The following ERBB4 variants were observed in gnomAD, a reference collection of about 807,000 sequenced individuals.
ERBB4 encodes erb-b2 receptor tyrosine kinase 4, also known as receptor tyrosine-protein kinase erbB-4.
A neutral mutation model predicts 158.0 loss-of-function variants in ERBB4; 42 were observed. That is an observed-to-expected ratio of 0.27 (90% CI 0.21 to 0.34). The LOEUF (loss-of-function observed/expected upper bound fraction) is 0.34, where lower values mean the gene tolerates loss of function less well. Ranked by LOEUF, ERBB4 falls within the 10% of genes least tolerant of loss-of-function variation. The probability of loss-of-function intolerance (pLI) is 1.00; values close to 1 mark genes in which losing one functional copy is unlikely to be tolerated. For missense variants in ERBB4, 1,333 were observed against 1,624.1 expected (o/e 0.82, Z 3.08); for synonymous variants, 583 against 558.7 (o/e 1.04, Z -0.61).
intron 1 of ERBB4, among the ~76,000 whole-genome samples, chr2:212,139,978 T>C (rs1272061330): frequency 6.6e-6 from 1 of 151,896 alleles, no homozygotes; most frequent in African/African-American, 2.4e-5. Context: ...TTTGCCAGGA[T>C]AAAATATAAT....
At chr2:212,411,257 A>G (rs1242122883) in intron 1 of ERBB4, among the ~76,000 whole-genome samples, 1 of 152,128 alleles carries the variant, frequency 6.6e-6, no homozygotes, top group Non-Finnish European at 1.5e-5. Flanking sequence ...TGCCATAACC[A>G]CGAAACAGGC....
chr2:212,474,419 C>T (rs1689271417), intron 1 of ERBB4, among the ~76,000 whole-genome samples: 2 of 152,198 alleles, frequency 1.3e-5, no homozygotes, highest in South Asian at 4.1e-4. Flanking sequence ...CAGAGAAAAG[C>T]TTTAACTGAT....
intron 19 of ERBB4, among the ~76,000 whole-genome samples, chr2:211,570,300 C>T (rs959391209): frequency 2.0e-5 from 3 of 149,526 alleles, no homozygotes; most frequent in African/African-American, 7.4e-5. Context: ...TACAGGCATC[C>T]GCCACCACAC....
chr2:212,278,779 T>C (rs1359266593), intron 1 of ERBB4, among the ~76,000 whole-genome samples: 2 of 151,674 alleles, frequency 1.3e-5, no homozygotes, highest in African/African-American at 2.4e-5. Flanking sequence ...AATGAATATA[T>C]AGATACTTGA....
chr2:211,829,864 TA>T (rs1341313617), intron 3 of ERBB4, among the ~76,000 whole-genome samples: 1 of 152,162 alleles, frequency 6.6e-6, no homozygotes, highest in Admixed American at 6.6e-5. Flanking sequence ...TGACTTATCA[TA>T]AAAAATTATA....
intron 3 of ERBB4, among the ~76,000 whole-genome samples, chr2:211,828,000 A>C (rs192600491): frequency 3.2e-4 from 49 of 152,328 alleles, no homozygotes; most frequent in African/African-American, 1.1e-3. Flanking sequence ...GAGCTATGCT[A>C]GAATTCACAT....
chr2:212,190,220 A>T (rs1463393462), intron 1 of ERBB4, among the ~76,000 whole-genome samples: 2 of 152,194 alleles, frequency 1.3e-5, no homozygotes, highest in African/African-American at 4.8e-5. Flanking sequence ...GGTGCAATCA[A>T]CTTAGATAAT....
intron 1 of ERBB4, among the ~76,000 whole-genome samples, chr2:212,389,999 A>G (rs951651753): frequency 4.0e-5 from 6 of 151,850 alleles, no homozygotes; most frequent in African/African-American, 1.2e-4. Context: ...TCATTCACCA[A>G]TGAAAAATGA....
intron 1 of ERBB4, among the ~76,000 whole-genome samples, chr2:212,378,174 GGGACTA>G (rs1409848983): frequency 6.6e-6 from 1 of 151,702 alleles, no homozygotes; most frequent in Non-Finnish European, 1.5e-5. Flanking sequence ...ATAATATTAT[GGGACTA>G]CCGTCATTAA....
intron 20 of ERBB4, among the ~76,000 whole-genome samples, chr2:211,540,188 T>TTA (rs571359851): frequency 0.03 from 4,339 of 143,920 alleles, 183 homozygotes; most frequent in African/African-American, 0.09. Context: ...CCTACATGAT[T>TTA]TATATATATA....
chr2:211,982,222 G>A (rs1284162253), intron 2 of ERBB4, among the ~76,000 whole-genome samples: 3 of 151,972 alleles, frequency 2.0e-5, no homozygotes, highest in African/African-American at 7.2e-5. Flanking sequence ...TAATTTTTCA[G>A]ACTAAAGGAT....
intron 3 of ERBB4, among the ~76,000 whole-genome samples, chr2:211,796,941 A>T (rs2076395652): frequency 6.6e-6 from 1 of 151,958 alleles, no homozygotes; most frequent in South Asian, 2.1e-4. Context: ...ATGTCTTAGA[A>T]AAAATTAAAA....
Position 211,438,734 on chromosome 2 carries a change from C to G in ERBB4, c.2488-7634G>C, listed in dbSNP as rs866017459. ...GTTCCTGAATGTTCTTCCTATTATTCTATTCAGAGGAAGAAAAGCAGATTC... is the reference window on the plus strand; with the variant it reads ...GTTCCTGAATGTTCTTCCTATTATTGTATTCAGAGGAAGAAAAGCAGATTC... On this transcript the variant is annotated intron_variant, in intron 20 of 27. Transcript: ENST00000342788. Among the ~76,000 whole-genome samples, 3 of 152,000 alleles carry G rather than the reference C, an allele frequency of 2.0e-5. No individual in the cohort carries two copies. In the South Asian group the frequency reaches 6.2e-4, roughly 31 times the overall value.
At chr2:211,835,211 C>T (rs376731836) in intron 3 of ERBB4, among the ~76,000 whole-genome samples, 2 of 152,242 alleles carry the variant, frequency 1.3e-5, no homozygotes, top group East Asian at 3.9e-4. Flanking sequence ...TCCACAACTT[C>T]AGCTCTTCAA....
intron 25 of ERBB4, among the ~76,000 whole-genome samples, chr2:211,390,081 T>G (rs2062768616): frequency 6.6e-6 from 1 of 152,198 alleles, no homozygotes; most frequent in Non-Finnish European, 1.5e-5. Context: ...CAGTGATTTG[T>G]AATATAGAGT....
chr2:211,498,759 G>C (rs1027249495), intron 20 of ERBB4, among the ~76,000 whole-genome samples: 1 of 152,056 alleles, frequency 6.6e-6, no homozygotes, highest in African/African-American at 2.4e-5. Flanking sequence ...AATTGACAAA[G>C]AGGCCATATG....
At chr2:212,473,642 C>A (rs1191267253) in intron 1 of ERBB4, among the ~76,000 whole-genome samples, 1 of 152,006 alleles carries the variant, frequency 6.6e-6, no homozygotes, top group Non-Finnish European at 1.5e-5. Flanking sequence ...GTAATGAGAT[C>A]AGTATTTACT....
rs78613219 is a variant in ERBB4, at chr2:212,146,265, G to A, written c.83-21362C>T. Among the ~76,000 whole-genome samples the A allele has an allele frequency of 6.6e-3, 1,009 of 152,192 alleles. 8 individuals carry two copies. Among genetic ancestry groups the A allele is most frequent in the Middle Eastern group, 0.024 (7 of 294 alleles). ...GCCCACTATTTCTCTTATCCTGAAT[G>A]GTGACAGACTGCAAACTGCCTTGCT... On this transcript the variant is annotated intron_variant, in intron 1 of 27. Coordinates refer to ENST00000342788, the MANE Select transcript of ERBB4 (RefSeq NM_005235.3).
In ERBB4 at chr2:212,012,715, TTTGTTG is replaced by T. The variant is rs373209705; in HGVS notation, c.235-65105_235-65100del. On this transcript the variant is annotated intron_variant, in intron 2 of 27. Transcript: ENST00000342788. ...GGCGTGAGCCACCATGCCCAAACTTTTTGTTGTTGTTGTTGTTGTTGTTTTTATTTT... is the reference window on the plus strand; with the variant it reads ...GGCGTGAGCCACCATGCCCAAACTTTTTGTTGTTGTTGTTGTTTTTATTTT... Among the ~76,000 whole-genome samples, 28 of 151,856 alleles carry T rather than the reference TTTGTTG, an allele frequency of 1.8e-4. No homozygotes were observed. The East Asian group carries it at 4.5e-3, about 24-fold the overall frequency.
Sources: allele counts gnomAD v4.1 joint callset (sites outside exome capture counted in the v4.1 genomes callset), GRCh38; gene constraint gnomAD v4.1.1; transcripts MANE v1.5; gene names NCBI Gene and HGNC (gene_info 2026-07-23, HGNC 2026-07-21).